Variants in DOCK10 observed in about 807,000 individuals in gnomAD.
DOCK10 encodes dedicator of cytokinesis 10, also known as dedicator of cytokinesis protein 10.
Under a neutral mutation model 280.1 loss-of-function variants are expected in DOCK10, and 145 were observed. The ratio of observed to expected loss-of-function variants is 0.52; its 90% confidence interval spans 0.45 to 0.59. The LOEUF is 0.59. Among genes scored for constraint, DOCK10 ranks in the 20% least tolerant of loss-of-function variants. The probability of loss-of-function intolerance (pLI) is 0.00; values close to 1 mark genes in which losing one functional copy is unlikely to be tolerated. For missense variants in DOCK10, 2,368 were observed against 2,651.7 expected (o/e 0.89, Z 2.35); for synonymous variants, 915 against 942.2 (o/e 0.97, Z 0.53).
intron 19 of DOCK10, among the ~76,000 whole-genome samples, 196 bp from the exon 20 acceptor site, chr2:224,845,838 C>A (rs1313844784): frequency 2.0e-5 from 3 of 152,212 alleles, no homozygotes; most frequent in Non-Finnish European, 4.4e-5. Context: ...ATTCTCCTGC[C>A]TTAGTCTCCC....
intron 51 of DOCK10, among the ~76,000 whole-genome samples, chr2:224,776,858 T>A (rs1690900448): frequency 6.6e-6 from 1 of 152,214 alleles, no homozygotes; most frequent in Non-Finnish European, 1.5e-5. Flanking sequence ...ACATCATCCC[T>A]TCTATGTAAT....
At position 224,886,205 on chromosome 2, in the gene DOCK10, G is replaced by A; in HGVS notation, c.490-20C>T. ...GGTATCCTGTAGGAAAGGCATAGTA[G>A]CATGACAGCCATCTTTTGTGGATCC... On this transcript the variant is annotated intron_variant, in intron 5 of 55. Transcript: ENST00000258390. 6.2e-7 allele frequency: 1 copy of A among 1,613,468 alleles called. No homozygotes were observed. The highest frequency in any genetic ancestry group is 1.1e-5 in the South Asian group (1 of 91,064).
At chr2:224,834,424 C>T (rs541868165) in intron 25 of DOCK10, among the ~76,000 whole-genome samples, 161 bp from the exon 26 acceptor site, 12 of 152,142 alleles carry the variant, frequency 7.9e-5, no homozygotes, top group Non-Finnish European at 1.6e-4. Context: ...CACACCTGTT[C>T]CTATTTAGGG....
chr2:224,814,328 T>C lies in DOCK10; in HGVS notation c.3401A>G (p.His1134Arg), dbSNP rs776911787. The C allele has an allele frequency of 2.0e-5, 30 of 1,533,454 alleles. No homozygotes were observed. Among genetic ancestry groups the C allele is most frequent in the African/African-American group, 1.4e-5 (1 of 72,240 alleles). 95.0% of individuals were successfully genotyped at this position (1,533,454 alleles called of 1,614,324 possible). A position where few individuals can be genotyped will look rare whatever the true frequency, so the allele number is the denominator to read the frequency against. Residue 1134 changes from histidine to arginine, a missense_variant, in exon 31 of 56, where the codon CAT (histidine) becomes CGT (arginine). Physicochemically the swap from His to Arg is conservative, Grantham distance 29 (BLOSUM62 0). Transcript: ENST00000258390. ...AAGGTAATATCACTTACCTGATGCA[T>C]GTAACTCTTGAGTCGATTCTGAAGG... ...LTPSESTQEL[H>R]ASDMPEYSVT...
Position 224,830,545 on chromosome 2 carries a change from AT to A in DOCK10, c.3031del (p.Ile1011SerfsTer28). On this transcript the variant is annotated frameshift_variant, in exon 27 of 56. Coordinates refer to ENST00000258390, the MANE Select transcript of DOCK10 (RefSeq NM_014689.3). LOFTEE classifies it high-confidence loss of function. ...MAQHLIDTNK[I>X]QLPRPQRFPE... ...TTATATTACTTATGTTCTTACCTGGATTTTATTTGTGTCAATCAAGTGCTGT... is the reference window on the plus strand; with the variant it reads ...TTATATTACTTATGTTCTTACCTGGATTTATTTGTGTCAATCAAGTGCTGT... The A allele has an allele frequency of 6.8e-7, 1 of 1,475,106 alleles. No individual in the cohort carries two copies. Among genetic ancestry groups the A allele is most frequent in the Non-Finnish European group, 9.1e-7 (1 of 1,094,880 alleles). The allele number at this position is 1,475,106 out of a possible 1,614,324, so 91.4% of individuals were successfully genotyped here.
intron 19 of DOCK10, among the ~76,000 whole-genome samples, chr2:224,849,256 G>A (rs375962596): frequency 6.6e-6 from 1 of 152,214 alleles, no homozygotes; most frequent in African/African-American, 2.4e-5. Flanking sequence ...TTACAGGCGT[G>A]AGCCACTATA....
chr2:224,902,864 C>A (rs751708214), intron 3 of DOCK10, among the ~76,000 whole-genome samples: 2 of 151,950 alleles, frequency 1.3e-5, no homozygotes, highest in Non-Finnish European at 2.9e-5. Flanking sequence ...GAGGCCAACG[C>A]GGGCAGATCA....
intron 1 of DOCK10, among the ~76,000 whole-genome samples, chr2:225,003,422 C>A (rs1706490728): frequency 6.6e-6 from 1 of 152,136 alleles, no homozygotes; most frequent in African/African-American, 2.4e-5. Flanking sequence ...TGGTGTGGGA[C>A]CTTTTATGAT....
chr2:224,942,280 T>C (rs1703136501), intron 1 of DOCK10, among the ~76,000 whole-genome samples: 1 of 152,262 alleles, frequency 6.6e-6, no homozygotes, highest in African/African-American at 2.4e-5. Context: ...CCAGGTCCTC[T>C]GATCTGTGTT....
At position 224,885,731 on chromosome 2, in the gene DOCK10, C is replaced by T; in HGVS notation, c.687G>A (p.Glu229=). The T allele has an allele frequency of 1.2e-6, 2 of 1,613,788 alleles. No homozygotes were observed. The highest frequency in any genetic ancestry group is 1.7e-6 in the Non-Finnish European group (2 of 1,179,830). ...NSYIMNFYKD[E]KISKEPKGCI... Reference sequence around the variant, plus strand: ...ATCCTTTGGGTTCTTTGGATATTTTCTCATCTTTGTAAAAGTTCATAATGT... The same window carrying T: ...ATCCTTTGGGTTCTTTGGATATTTTTTCATCTTTGTAAAAGTTCATAATGT... The change falls in exon 7 of 56, where the codon GAG becomes GAA. Residue 229 remains glutamate (E), a synonymous_variant. Coordinates refer to ENST00000258390, the MANE Select transcript of DOCK10 (RefSeq NM_014689.3).
At chr2:225,004,050 CTGTGA>C (rs747876548) in intron 1 of DOCK10, among the ~76,000 whole-genome samples, 25 of 152,182 alleles carry the variant, frequency 1.6e-4, no homozygotes, top group Non-Finnish European at 3.2e-4. Flanking sequence ...TTCGTTTTGT[CTGTGA>C]TGTAAGTATC....
At position 224,907,706 on chromosome 2, in the gene DOCK10, A is replaced by C. The variant is rs528157314; in HGVS notation, c.333+8989T>G. Among the ~76,000 whole-genome samples, 17 of 148,954 alleles carry C rather than the reference A, an allele frequency of 1.1e-4. No homozygotes were observed. In the East Asian group the frequency reaches 3.1e-3, roughly 28 times the overall value. On this transcript the variant is annotated intron_variant, in intron 3 of 55. Coordinates refer to ENST00000258390, the MANE Select transcript of DOCK10 (RefSeq NM_014689.3). Reference sequence around the variant, plus strand: ...CCACCTCAAAAAAAAAAAAAAAAAGAATAGAGGTTTGGCCATGAAAAGAAA... The same window carrying C: ...CCACCTCAAAAAAAAAAAAAAAAAGCATAGAGGTTTGGCCATGAAAAGAAA...
intron 4 of DOCK10, among the ~76,000 whole-genome samples, chr2:224,895,451 A>G (rs1333887622): frequency 6.6e-6 from 1 of 152,228 alleles, no homozygotes; most frequent in African/African-American, 2.4e-5. Flanking sequence ...GGGTAGAACC[A>G]GTTCAAGGAA....
At chr2:224,951,468 A>G (rs1457339659) in intron 1 of DOCK10, among the ~76,000 whole-genome samples, 1 of 152,228 alleles carries the variant, frequency 6.6e-6, no homozygotes, top group Non-Finnish European at 1.5e-5. Flanking sequence ...TAAGTTTGCC[A>G]TTTTCAGTAG....
In DOCK10 at chr2:224,845,262, G is replaced by A; in HGVS notation, c.2422C>T (p.Pro808Ser). 6.3e-7 allele frequency: 1 copy of A among 1,587,990 alleles called. No homozygotes were observed. Among genetic ancestry groups the A allele is most frequent in the East Asian group, 2.3e-5 (1 of 44,246 alleles). Residue 808 changes from proline (P) to serine (S), a missense_variant, in exon 21 of 56, where the codon CCA (proline) becomes TCA (serine). Physicochemically the swap from Pro to Ser is moderately conservative, Grantham distance 74. This residue lies in a region of DOCK10 where 1,209 missense variants were observed against 1,250.9 expected (regional missense o/e 0.97). Transcript: ENST00000258390. ...TTAGGAGGCAGACTTGTTGCTATTG[G>A]GATGTTGTACTCTTGAGAAGCTATC... ...DQIASQEYNI[P>S]IATSLPPNYL...
chr2:225,003,597 AAC>A (rs1248563735), intron 1 of DOCK10, among the ~76,000 whole-genome samples: 4 of 152,224 alleles, frequency 2.6e-5, no homozygotes, highest in African/African-American at 9.7e-5. Context: ...GCAAATCTAA[AAC>A]ACAGACATAC....
chr2:224,857,450 A>C (rs566973564), intron 14 of DOCK10, among the ~76,000 whole-genome samples: 15 of 152,182 alleles, frequency 9.9e-5, no homozygotes, highest in Non-Finnish European at 2.2e-4. Context: ...ACACATTTTC[A>C]TGGAGCTAAA....
At chr2:225,001,380 C>T (rs908030615) in intron 1 of DOCK10, among the ~76,000 whole-genome samples, 3 of 151,612 alleles carry the variant, frequency 2.0e-5, no homozygotes, top group African/African-American at 4.9e-5. Context: ...AGCTCCGCCT[C>T]CCGGGTTTAC....
At chr2:224,941,350 A>G (rs13386987) in intron 1 of DOCK10, among the ~76,000 whole-genome samples, 96,995 of 151,646 alleles carry the variant, frequency 0.64, 31,130 homozygotes, top group African/African-American at 0.67. Flanking sequence ...TAGCCTTGCA[A>G]AACAGAGAAC....
Sources: allele counts gnomAD v4.1 joint callset (sites outside exome capture counted in the v4.1 genomes callset), GRCh38; gene constraint gnomAD v4.1.1; regional missense constraint gnomAD v4.1.1; transcripts MANE v1.5; gene names NCBI Gene and HGNC (gene_info 2026-07-23, HGNC 2026-07-21).